TTC1: variants seen among roughly 807,000 people sequenced by gnomAD.
TTC1 encodes tetratricopeptide repeat protein 1.
A neutral mutation model predicts 37.6 loss-of-function variants in TTC1; 31 were observed. That is an observed-to-expected ratio of 0.82 (90% CI 0.62 to 1.11). The LOEUF (loss-of-function observed/expected upper bound fraction) is 1.11, where lower values mean the gene tolerates loss of function less well. TTC1 is among the 50% of genes most tolerant of loss of function. The pLI is 0.00. For missense variants in TTC1, 351 were observed against 339.0 expected, an observed-to-expected ratio of 1.04 and a Z score of -0.28; for synonymous variants, 127 against 122.4, an observed-to-expected ratio of 1.04 and a Z score of -0.25.
intron 1 of TTC1, among the ~76,000 whole-genome samples, chr5:160,009,578 G>C (rs541188604): frequency 6.6e-6 from 1 of 152,046 alleles, no homozygotes; most frequent in African/African-American, 2.4e-5. Flanking sequence ...CTGCATATCA[G>C]AATCACCTGG....
intron 5 of TTC1, among the ~76,000 whole-genome samples, chr5:160,045,514 ATACACACTCT>A (rs1327256513): frequency 1.1e-3 from 33 of 29,730 alleles, no homozygotes; most frequent in African/African-American, 3.6e-3. Flanking sequence ...ACACACACAC[ATACACACTCT>A]CTCTCTCTCT....
chr5:160,035,735 A>G (rs147570247), intron 3 of TTC1, among the ~76,000 whole-genome samples: 46 of 152,208 alleles, frequency 3.0e-4, no homozygotes, highest in Non-Finnish European at 1.2e-4. Context: ...GTCCTTCTGC[A>G]TTTTCTACAT....
intron 4 of TTC1, among the ~76,000 whole-genome samples, chr5:160,042,010 A>G (rs995161381): frequency 1.3e-5 from 2 of 151,938 alleles, no homozygotes; most frequent in African/African-American, 4.8e-5. Flanking sequence ...ACTTACTGCA[A>G]TCTCCACCTC....
At chr5:160,016,862 A>G (rs1034217493) in intron 2 of TTC1, among the ~76,000 whole-genome samples, 2 of 152,192 alleles carry the variant, frequency 1.3e-5, no homozygotes, top group African/African-American at 4.8e-5. Context: ...AATCAAGCTA[A>G]CTTCACTTGT....
chr5:160,041,257 A>G (rs1757087289), intron 4 of TTC1, among the ~76,000 whole-genome samples: 2 of 152,084 alleles, frequency 1.3e-5, no homozygotes, highest in Non-Finnish European at 2.9e-5. Context: ...TAGTAAATAC[A>G]TAAACCAATA....
At chr5:160,064,554 C>CGGT (rs1753541813) in intron 7 of TTC1, among the ~76,000 whole-genome samples, 2 of 152,232 alleles carry the variant, frequency 1.3e-5, no homozygotes, top group South Asian at 4.1e-4. Context: ...CCAGGCAGAC[C>CGGT]TGGCTTGGCA....
chr5:160,039,297 T>TA (rs1191189373), intron 4 of TTC1: 3 of 150,802 alleles, frequency 2.0e-5, no homozygotes, highest in Non-Finnish European at 4.4e-5. Flanking sequence ...TTTTTTTTTT[T>TA]AACTACTGTC....
intron 4 of TTC1, among the ~76,000 whole-genome samples, chr5:160,039,656 CAAAG>C (rs1007647891): frequency 7.2e-5 from 11 of 152,044 alleles, no homozygotes; most frequent in African/African-American, 2.7e-4. Context: ...TCTAGGCACA[CAAAG>C]AATACCATCA....
chr5:160,041,243 TGTATA>T (rs1037759449), intron 4 of TTC1, among the ~76,000 whole-genome samples: 2 of 152,122 alleles, frequency 1.3e-5, no homozygotes, highest in African/African-American at 4.8e-5. Context: ...TAAAAAGTAG[TGTATA>T]GTAAATACAT....
intron 2 of TTC1, among the ~76,000 whole-genome samples, chr5:160,019,567 CTT>C (rs1756665445): frequency 2.0e-5 from 3 of 148,714 alleles, no homozygotes; most frequent in Admixed American, 6.7e-5. Flanking sequence ...TGTTGTTTCC[CTT>C]TTCTTTCATT....
intron 2 of TTC1, among the ~76,000 whole-genome samples, chr5:160,011,214 A>G (rs1184622286): frequency 6.6e-6 from 1 of 152,066 alleles, no homozygotes; most frequent in Non-Finnish European, 1.5e-5. Context: ...TCTGTAATGA[A>G]CATTTTTATG....
At chr5:160,037,453 C>T (rs959651495) in intron 4 of TTC1, among the ~76,000 whole-genome samples, 4 of 152,196 alleles carry the variant, frequency 2.6e-5, no homozygotes, top group African/African-American at 9.7e-5. Flanking sequence ...CAGTGGCTCA[C>T]ACCCGTAAAC....
chr5:160,049,202 A>C (rs1757337011), intron 5 of TTC1, among the ~76,000 whole-genome samples: 1 of 152,218 alleles, frequency 6.6e-6, no homozygotes, highest in Non-Finnish European at 1.5e-5. Context: ...ATGTGAACTT[A>C]AATTTTAGTG....
intron 4 of TTC1, among the ~76,000 whole-genome samples, chr5:160,040,927 A>ACTTTTTT (rs1757080018): frequency 6.6e-6 from 1 of 151,328 alleles, no homozygotes; most frequent in South Asian, 2.1e-4. Flanking sequence ...TATTCTATAT[A>ACTTTTTT]CTTTTTTCTA....
chr5:160,047,335 C>T (rs1417870415), intron 5 of TTC1, among the ~76,000 whole-genome samples: 2 of 152,162 alleles, frequency 1.3e-5, no homozygotes, highest in African/African-American at 4.8e-5. Flanking sequence ...TAAGTTAAAC[C>T]TTTGGAGTCA....
At chr5:160,021,222 G>A (rs529379085) in intron 2 of TTC1, among the ~76,000 whole-genome samples, 59 of 152,312 alleles carry the variant, frequency 3.9e-4, no homozygotes, top group Non-Finnish European at 5.7e-4. Flanking sequence ...TTGTTAGCAA[G>A]CCTCCCAGGT....
intron 2 of TTC1, among the ~76,000 whole-genome samples, chr5:160,027,643 A>G (rs11745967): frequency 0.16 from 24,183 of 152,152 alleles, 2,152 homozygotes; most frequent in East Asian, 0.27. Context: ...ACTTTAATAT[A>G]TTTGTGAGGC....
intron 2 of TTC1, among the ~76,000 whole-genome samples, chr5:160,016,128 A>G (rs1756601556): frequency 6.6e-6 from 1 of 152,232 alleles, no homozygotes; most frequent in South Asian, 2.1e-4. Flanking sequence ...CTATAATCCC[A>G]GCACTTTGGG....
chr5:160,026,620 C>G (rs1756811676), intron 2 of TTC1, among the ~76,000 whole-genome samples: 1 of 152,198 alleles, frequency 6.6e-6, no homozygotes, highest in African/African-American at 2.4e-5. Flanking sequence ...AGCACTTCAG[C>G]TACTTAAGGT....
Sources: gnomAD v4.1 joint callset for allele counts (sites outside exome capture counted in the v4.1 genomes callset) on GRCh38, gnomAD v4.1.1 for gene constraint, MANE v1.5 for transcripts, NCBI Gene and HGNC (gene_info 2026-07-23, HGNC 2026-07-21) for gene names.